ARHGAP22: variants seen among roughly 807,000 people sequenced by gnomAD.
The protein encoded by ARHGAP22 is rho GTPase-activating protein 22.
ARHGAP22 carries 48 observed loss-of-function variants against 59.1 expected under a neutral mutation model. The observed-to-expected ratio is 0.81, with a 90% confidence interval of 0.64 to 1.03. ARHGAP22 has a LOEUF of 1.03. Among genes scored for constraint, ARHGAP22 ranks in the 50% least tolerant of loss-of-function variants. The pLI, the probability that ARHGAP22 is intolerant of heterozygous loss-of-function variation, is 0.00. For missense variants in ARHGAP22, 1,015 were observed against 958.7 expected (o/e 1.06, Z -0.78); for synonymous variants, 445 against 416.4 (o/e 1.07, Z -0.84).
chr10:48,480,143 G>A (rs2049152185), intron 3 of ARHGAP22, among the ~76,000 whole-genome samples: 1 of 152,192 alleles, frequency 6.6e-6, no homozygotes, highest in African/African-American at 2.4e-5. Flanking sequence ...TAAGAACACA[G>A]TTAAACGTCA....
Position 48,647,832 on chromosome 10 carries a change from A to T in ARHGAP22, c.52+4402T>A, listed in dbSNP as rs568519349. 3.3e-4 allele frequency among the ~76,000 whole-genome samples: 51 copies of T among 152,326 alleles called. 1 individual carries two copies. The highest frequency in any genetic ancestry group is 1.1e-3 in the African/African-American group (44 of 41,562). Reference sequence around the variant, plus strand: ...GCGGAGAAACACAATGTGCATCCCTACAAGGGAGTATTACTCAGCTACAAA... The same window carrying T: ...GCGGAGAAACACAATGTGCATCCCTTCAAGGGAGTATTACTCAGCTACAAA... On this transcript the variant is annotated intron_variant, in intron 1 of 9. Coordinates refer to the ARHGAP22 transcript ENST00000435790.
At chr10:48,654,782 CT>C (rs2062698444), upstream of ARHGAP22, among the ~76,000 whole-genome samples, 3 of 56,476 alleles carry the variant, frequency 5.3e-5, no homozygotes, top group Non-Finnish European at 1.2e-4. Flanking sequence ...TACTTTCTTT[CT>C]TTCTTTCTTT....
At chr10:48,494,561 A>T (rs1247840934) in intron 3 of ARHGAP22, among the ~76,000 whole-genome samples, 1 of 152,154 alleles carries the variant, frequency 6.6e-6, no homozygotes, top group Non-Finnish European at 1.5e-5. Context: ...CCACTTGTTC[A>T]TCTGCCCATC....
intron 3 of ARHGAP22, among the ~76,000 whole-genome samples, chr10:48,549,761 A>C (rs1462649155): frequency 6.6e-6 from 1 of 151,888 alleles, no homozygotes; most frequent in African/African-American, 2.4e-5. Flanking sequence ...ACCTCCTCTC[A>C]CTCAGTCCGC....
At chr10:48,578,477 A>T (rs1031593680) in intron 2 of ARHGAP22, among the ~76,000 whole-genome samples, 7 of 151,666 alleles carry the variant, frequency 4.6e-5, no homozygotes, top group Non-Finnish European at 8.8e-5. Flanking sequence ...GGAAGTTTGA[A>T]TTTGAGTTTT....
At position 48,604,956 on chromosome 10, in the gene ARHGAP22, C is replaced by A; in HGVS notation, c.-160G>T. 6.6e-7 allele frequency: 1 copy of A among 1,516,592 alleles called. No homozygotes were observed. Among genetic ancestry groups the A allele is most frequent in the South Asian group, 1.2e-5 (1 of 81,696 alleles). 93.9% of individuals were successfully genotyped at this position (1,516,592 alleles called of 1,614,324 possible). Reference sequence around the variant, plus strand: ...GCTCCCTCGGCTACCTCTCCTGGCTCCGGACGGACGGCTCGCCTTGGACTA... The same window carrying A: ...GCTCCCTCGGCTACCTCTCCTGGCTACGGACGGACGGCTCGCCTTGGACTA... On this transcript the variant is annotated 5_prime_UTR_variant, in exon 1 of 10. It introduces an in-frame stop codon into an upstream open reading frame of the 5' UTR. Transcript: ENST00000249601.
intron 1 of ARHGAP22, among the ~76,000 whole-genome samples, chr10:48,634,538 G>C (rs2061738543): frequency 6.6e-6 from 1 of 152,214 alleles, no homozygotes; most frequent in Non-Finnish European, 1.5e-5. Context: ...ATTTGGTTCT[G>C]TGGCTGGGGG....
chr10:48,636,852 G>A (rs1444293796), intron 1 of ARHGAP22, among the ~76,000 whole-genome samples: 2 of 152,214 alleles, frequency 1.3e-5, no homozygotes, highest in Non-Finnish European at 2.9e-5. Flanking sequence ...ACAGGACAAA[G>A]GGTTCAGGAA....
upstream of ARHGAP22, among the ~76,000 whole-genome samples, chr10:48,605,330 A>ACCCCCCCCC (rs111746464): frequency 1.8e-4 from 16 of 91,312 alleles, no homozygotes; most frequent in Non-Finnish European, 3.0e-4. Flanking sequence ...GGTAGCCGAG[A>ACCCCCCCCC]CCCCCCCCCC....
intron 3 of ARHGAP22, among the ~76,000 whole-genome samples, chr10:48,483,179 A>G (rs1177832824): frequency 6.6e-6 from 1 of 152,122 alleles, no homozygotes; most frequent in Non-Finnish European, 1.5e-5. Flanking sequence ...TCATCCACTG[A>G]TGGACACGTA....
chr10:48,573,395 G>T (rs1356327358), intron 2 of ARHGAP22, among the ~76,000 whole-genome samples: 1 of 152,184 alleles, frequency 6.6e-6, no homozygotes, highest in Non-Finnish European at 1.5e-5. Flanking sequence ...TTACTCAAGA[G>T]AAATCTGCCA....
At chr10:48,550,154 C>T (rs1281071419) in intron 3 of ARHGAP22, among the ~76,000 whole-genome samples, 1 of 152,200 alleles carries the variant, frequency 6.6e-6, no homozygotes, top group Non-Finnish European at 1.5e-5. Flanking sequence ...CTCACTTAAC[C>T]TTCAAAGAGC....
downstream of ARHGAP22, among the ~76,000 whole-genome samples, chr10:48,442,838 A>C (rs151116357): frequency 1.3e-5 from 2 of 152,320 alleles, no homozygotes; most frequent in East Asian, 3.9e-4. Context: ...TAAACTGGTG[A>C]GCTTTTTAAC....
At chr10:48,513,653 A>G (rs1015534075) in intron 3 of ARHGAP22, among the ~76,000 whole-genome samples, 8 of 152,370 alleles carry the variant, frequency 5.3e-5, no homozygotes, top group Admixed American at 5.2e-4. Context: ...TAGCTACAAC[A>G]GCAACCTGAG....
intron 3 of ARHGAP22, among the ~76,000 whole-genome samples, chr10:48,549,624 T>C (rs2056742072): frequency 6.6e-6 from 1 of 152,152 alleles, no homozygotes; most frequent in African/African-American, 2.4e-5. Context: ...GCCTAGGGAT[T>C]AAAAAGGGCC....
intron 5 of ARHGAP22, among the ~76,000 whole-genome samples, chr10:48,456,714 C>A (rs2046551503): frequency 6.6e-6 from 1 of 152,130 alleles, no homozygotes. Flanking sequence ...CCTCTGCAGA[C>A]CTGCCCGGCT....
intron 1 of ARHGAP22, among the ~76,000 whole-genome samples, chr10:48,646,773 A>G (rs1448463689): frequency 6.6e-6 from 1 of 152,250 alleles, no homozygotes; most frequent in African/African-American, 2.4e-5. Context: ...TGCTAAAACC[A>G]TACAACTTCT....
the ARHGAP22 span, chr10:48,434,820 A>C: frequency 6.9e-7 from 1 of 1,448,296 alleles, no homozygotes; most frequent in Non-Finnish European, 9.3e-7. Context: ...CAGTCAGTGC[A>C]GTGCAAGTAG....
At chr10:48,654,082 A>G (rs1368844792), upstream of ARHGAP22, among the ~76,000 whole-genome samples, 1 of 152,248 alleles carries the variant, frequency 6.6e-6, no homozygotes, top group Non-Finnish European at 1.5e-5. Context: ...GCAGACAATA[A>G]GAAAGTCAGT....
Sources: allele counts gnomAD v4.1 joint callset (sites outside exome capture counted in the v4.1 genomes callset), GRCh38; gene constraint gnomAD v4.1.1; transcripts MANE v1.5; gene names NCBI Gene and HGNC (gene_info 2026-07-23, HGNC 2026-07-21).